GABRG3: variants seen among roughly 807,000 people sequenced by gnomAD.
The protein encoded by GABRG3 is gamma-aminobutyric acid receptor subunit gamma-3.
GABRG3 carries 25 observed loss-of-function variants against 48.8 expected under a neutral mutation model. That is an observed-to-expected ratio of 0.51 (90% CI 0.37 to 0.72). The LOEUF (loss-of-function observed/expected upper bound fraction) is 0.72, where lower values mean the gene tolerates loss of function less well. Among genes scored for constraint, GABRG3 ranks in the 30% least tolerant of loss-of-function variants. GABRG3 has a pLI of 0.00. For synonymous variants in GABRG3, 227 were observed against 217.6 expected (o/e 1.04, Z -0.38); for missense variants, 394 against 577.9 (o/e 0.68, Z 3.26).
At chr15:27,378,004 A>C (rs551125650) in intron 5 of GABRG3, among the ~76,000 whole-genome samples, 1 of 152,304 alleles carries the variant, frequency 6.6e-6, no homozygotes, top group Non-Finnish European at 1.5e-5. Flanking sequence ...GGGAACTTGG[A>C]AACCATTTAA....
At chr15:27,262,620 T>G (rs546624599) in intron 3 of GABRG3, among the ~76,000 whole-genome samples, 2 of 151,692 alleles carry the variant, frequency 1.3e-5, no homozygotes, top group East Asian at 2.0e-4. Flanking sequence ...GTGTAGATAT[T>G]GTCTTCGACT....
At chr15:27,442,096 CCAGGAGCTGA>C (rs1888805050) in intron 5 of GABRG3, among the ~76,000 whole-genome samples, 1 of 152,130 alleles carries the variant, frequency 6.6e-6, no homozygotes, top group Non-Finnish European at 1.5e-5. Context: ...CATGGACCTG[CCAGGAGCTGA>C]GGGTTTGGGA....
intron 3 of GABRG3, among the ~76,000 whole-genome samples, chr15:27,275,335 A>G (rs575483541): frequency 1.3e-5 from 2 of 152,174 alleles, no homozygotes; most frequent in South Asian, 2.1e-4. Flanking sequence ...TTTGAATTAT[A>G]TATGTAGTTT....
At chr15:27,171,050 G>A (rs1887549857) in intron 3 of GABRG3, among the ~76,000 whole-genome samples, 1 of 152,212 alleles carries the variant, frequency 6.6e-6, no homozygotes, top group African/African-American at 2.4e-5. Flanking sequence ...GCGGGGCACT[G>A]TCTGGTGCTG....
intron 6 of GABRG3, among the ~76,000 whole-genome samples, chr15:27,487,399 G>C (rs1890246947): frequency 6.6e-6 from 1 of 152,172 alleles, no homozygotes; most frequent in South Asian, 2.1e-4. Flanking sequence ...CTTTGAGCAA[G>C]GTGGGACATG....
chr15:27,341,591 G>A (rs79453746), intron 5 of GABRG3, among the ~76,000 whole-genome samples: 5,253 of 152,152 alleles, frequency 0.035, 226 homozygotes, highest in African/African-American at 0.099. Flanking sequence ...CTTCCCAGCT[G>A]AGGAACATCA....
At chr15:27,175,783 G>A (rs1420535505) in intron 3 of GABRG3, among the ~76,000 whole-genome samples, 1 of 152,190 alleles carries the variant, frequency 6.6e-6, no homozygotes, top group Admixed American at 6.5e-5. Context: ...TGACTTTTGT[G>A]CTAAGAATAA....
In GABRG3 at chr15:26,971,466, C is replaced by T; in HGVS notation, c.-70C>T. The T allele has an allele frequency of 2.3e-6, 3 of 1,325,770 alleles. No homozygotes were observed. Among genetic ancestry groups the T allele is most frequent in the Non-Finnish European group, 1.0e-6 (1 of 995,358 alleles). 82.1% of individuals were successfully genotyped at this position (1,325,770 alleles called of 1,614,324 possible). A position where few individuals can be genotyped will look rare whatever the true frequency, so the allele number is the denominator to read the frequency against. On this transcript the variant is annotated 5_prime_UTR_variant, in exon 1 of 10. Transcript: ENST00000615808. ...CCAGGGCAAAGAGGGCCGGCGGAGA[C>T]CAGGTCCGCGCCGGAGGAAGCCGCG...
At chr15:27,426,198 C>A (rs1888285833) in intron 5 of GABRG3, among the ~76,000 whole-genome samples, 1 of 152,096 alleles carries the variant, frequency 6.6e-6, no homozygotes, top group African/African-American at 2.4e-5. Context: ...AAGAGAAGAG[C>A]TGATGATGAA....
chr15:27,328,116 CAA>C (rs555795538), intron 4 of GABRG3, among the ~76,000 whole-genome samples: 1 of 119,894 alleles, frequency 8.3e-6, no homozygotes, highest in Non-Finnish European at 1.9e-5. Flanking sequence ...AACAAACAAA[CAA>C]AAAAAAAAAC....
rs1381701639 is a variant in GABRG3 at position 27,536,738 on chromosome 15, A to G, written c.*3857A>G. On this transcript the variant is annotated 3_prime_UTR_variant, in exon 10 of 10. Coordinates refer to ENST00000615808, the MANE Select transcript of GABRG3 (RefSeq NM_033223.5). The stretch of plus-strand genomic sequence containing the variant: ...TGATAGCTTGCTGCAGTAAGTTTGC[A>G]GGCATGTTGCTTCGTTGTTCTGCAA... The G allele has an allele frequency of 6.6e-6, 1 of 152,204 alleles. No individual in the cohort carries two copies. The highest frequency in any genetic ancestry group is 2.4e-5 in the African/African-American group (1 of 41,456). The allele number at this position is 152,204 out of a possible 1,614,324, so 9.4% of individuals were successfully genotyped here. A position where few individuals can be genotyped will look rare whatever the true frequency, so the allele number is the denominator to read the frequency against.
At chr15:27,462,142 C>T (rs1164199660) in intron 5 of GABRG3, among the ~76,000 whole-genome samples, 2 of 152,100 alleles carry the variant, frequency 1.3e-5, no homozygotes, top group Non-Finnish European at 2.9e-5. Flanking sequence ...GTCCTCATCT[C>T]CTTCCGGGTC....
At chr15:27,432,270 C>T (rs1010987099) in intron 5 of GABRG3, among the ~76,000 whole-genome samples, 4 of 152,142 alleles carry the variant, frequency 2.6e-5, no homozygotes, top group Admixed American at 6.5e-5. Context: ...ATCCTACCTT[C>T]GTGCTATTAA....
intron 2 of GABRG3, among the ~76,000 whole-genome samples, chr15:26,981,064 T>C (rs533852429): frequency 6.6e-6 from 1 of 152,286 alleles, no homozygotes; most frequent in South Asian, 2.1e-4. Flanking sequence ...CATGTACCCC[T>C]GAAGTTAAAA....
intron 5 of GABRG3, among the ~76,000 whole-genome samples, chr15:27,403,708 A>T (rs2140590115): frequency 6.6e-6 from 1 of 151,530 alleles, no homozygotes; most frequent in Non-Finnish European, 1.5e-5. Flanking sequence ...AGGTCAGGAG[A>T]TGGAGACCAG....
chr15:27,357,135 G>C (rs1245778703), intron 5 of GABRG3, among the ~76,000 whole-genome samples: 2 of 152,016 alleles, frequency 1.3e-5, no homozygotes, highest in African/African-American at 4.8e-5. Flanking sequence ...TTGTGATCAC[G>C]GCGCCTCTCA....
At chr15:26,999,131 GAAAA>G (rs531382705) in intron 2 of GABRG3, among the ~76,000 whole-genome samples, 2 of 95,520 alleles carry the variant, frequency 2.1e-5, no homozygotes, top group South Asian at 6.2e-4. Flanking sequence ...GAAAATATTT[GAAAA>G]AAAAAAAACA....
At chr15:27,113,925 C>T (rs964259195) in intron 3 of GABRG3, among the ~76,000 whole-genome samples, 1 of 152,174 alleles carries the variant, frequency 6.6e-6, no homozygotes, top group Admixed American at 6.5e-5. Flanking sequence ...GCTAGGGAAC[C>T]AGCTCATTAT....
chr15:27,392,477 T>C (rs1463937905), intron 5 of GABRG3, among the ~76,000 whole-genome samples: 2 of 152,158 alleles, frequency 1.3e-5, no homozygotes, highest in Admixed American at 6.5e-5. Flanking sequence ...ACTGCATAGG[T>C]CAAGTACAGT....
Sources: allele counts gnomAD v4.1 joint callset (sites outside exome capture counted in the v4.1 genomes callset), GRCh38; gene constraint gnomAD v4.1.1; transcripts MANE v1.5; gene names NCBI Gene and HGNC (gene_info 2026-07-23, HGNC 2026-07-21).